PCSK6: variants seen among roughly 807,000 people sequenced by gnomAD.
PCSK6 encodes paired basic amino acid cleaving enzyme 4.
In PCSK6, 85 loss-of-function variants were observed where a neutral mutation model predicts 123.3. The ratio of observed to expected loss-of-function variants is 0.69; its 90% confidence interval spans 0.58 to 0.83. PCSK6 has a LOEUF of 0.83. Among genes scored for constraint, PCSK6 ranks in the 40% least tolerant of loss-of-function variants. PCSK6 has a pLI of 0.00. For missense variants in PCSK6, 1,191 were observed against 1,282.3 expected, an observed-to-expected ratio of 0.93 and a Z score of 1.09; for synonymous variants, 508 against 516.0, an observed-to-expected ratio of 0.98 and a Z score of 0.21.
chr15:101,407,817 T>C (rs2042823867), intron 6 of PCSK6, among the ~76,000 whole-genome samples: 2 of 152,228 alleles, frequency 1.3e-5, no homozygotes, highest in African/African-American at 4.8e-5. Flanking sequence ...AACCACCTTT[T>C]CAATGCATGG....
At chr15:101,354,407 G>C (rs2040982741) in intron 13 of PCSK6, among the ~76,000 whole-genome samples, 1 of 152,182 alleles carries the variant, frequency 6.6e-6, no homozygotes, top group Non-Finnish European at 1.5e-5. Context: ...ACTGTCTAGA[G>C]CACCTTCAGT....
intron 13 of PCSK6, among the ~76,000 whole-genome samples, chr15:101,355,816 C>A (rs910378347): frequency 2.0e-5 from 3 of 152,208 alleles, no homozygotes; most frequent in Non-Finnish European, 2.9e-5. Flanking sequence ...GGGAGGCTGG[C>A]CTGACCTTGG....
chr15:101,348,789 G>A (rs1361496613), intron 13 of PCSK6, among the ~76,000 whole-genome samples: 3 of 152,144 alleles, frequency 2.0e-5, no homozygotes, highest in East Asian at 1.9e-4. Flanking sequence ...GAAGCGGCCA[G>A]CTGAACTCAG....
At position 101,430,081 on chromosome 15, in the gene PCSK6, G is replaced by A. The variant is rs775586359; in HGVS notation, c.658-18C>T. 3.4e-5 allele frequency: 55 copies of A among 1,607,422 alleles called. 1 individual carries two copies. The South Asian group carries it at 6.1e-4, about 18-fold the overall frequency. ...TAGGAATCCTAAGAAATGGAATCGT[G>A]GTGAGTGAGGAGAAATGGCATGTGA... is the stretch of plus-strand genomic sequence containing the variant. On this transcript the variant is annotated intron_variant, in intron 4 of 21. Coordinates refer to ENST00000611716, the MANE Select transcript of PCSK6 (RefSeq NM_002570.5).
intron 7 of PCSK6, among the ~76,000 whole-genome samples, chr15:101,397,855 G>A (rs1387433604): frequency 6.6e-6 from 1 of 152,260 alleles, no homozygotes; most frequent in Admixed American, 6.5e-5. Flanking sequence ...CGGCAGAGAA[G>A]CATCTTTGCC....
intron 13 of PCSK6, chr15:101,334,459 G>C (rs1317897652): frequency 2.6e-5 from 4 of 151,536 alleles, no homozygotes; most frequent in Non-Finnish European, 5.9e-5. Context: ...TCTCACCGCT[G>C]CAGCAGTGAC....
rs377393841 is a variant in PCSK6, at chr15:101,326,402, T to A, written c.2155A>T (p.Ser719Cys). ...CTGCTGGTCTTGACACTCCCCAGGC[T>A]GAAGTGGACGCAGTTCAAGCACTGG... is the stretch of plus-strand genomic sequence containing the variant. ...ADQCLNCVHF[S>C]LGSVKTSRKC... The change falls in exon 16 of 22, where the codon AGC becomes TGC. Residue 719 changes from serine to cysteine, a missense_variant. This residue lies in a region of PCSK6 where 630 missense variants were observed against 631.4 expected (regional missense o/e 1.00). Transcript: ENST00000611716. 7 of 1,579,636 alleles carry A rather than the reference T, an allele frequency of 4.4e-6. No individual in the cohort carries two copies. In the African/African-American group the frequency reaches 9.5e-5, roughly 21 times the overall value.
chr15:101,428,294 C>T (rs1412845232), intron 5 of PCSK6, among the ~76,000 whole-genome samples: 1 of 152,246 alleles, frequency 6.6e-6, no homozygotes, highest in Non-Finnish European at 1.5e-5. Context: ...ATACCTTCCT[C>T]CTCCCAGCAC....
At chr15:101,361,663 A>G (rs150447601) in intron 13 of PCSK6, among the ~76,000 whole-genome samples, 2 of 152,178 alleles carry the variant, frequency 1.3e-5, no homozygotes, top group South Asian at 4.1e-4. Context: ...AGGTCAGGCT[A>G]AGAGATTTGG....
At chr15:101,310,767 C>T (rs2039838755) in intron 20 of PCSK6, among the ~76,000 whole-genome samples, 1 of 152,140 alleles carries the variant, frequency 6.6e-6, no homozygotes, top group African/African-American at 2.4e-5. Context: ...GAATAGGTTA[C>T]AACCCACAGT....
Position 101,416,774 on chromosome 15 carries a change from A to G in PCSK6, c.823+11118T>C, listed in dbSNP as rs185371011. 7.0e-3 allele frequency among the ~76,000 whole-genome samples: 1,059 copies of G among 152,358 alleles called. 6 individuals carry two copies. The highest frequency in any genetic ancestry group is 0.026 in the South Asian group (125 of 4,830). The stretch of plus-strand genomic sequence containing the variant: ...GTGGCTTCAGAGGGTGGGAGCCCCA[A>G]GCTTTGGCAACTTCCACTTGTGTGT... On this transcript the variant is annotated intron_variant, in intron 6 of 21. Transcript: ENST00000611716.
chr15:101,364,869 C>G (rs751354503), intron 13 of PCSK6: 1 of 591,584 alleles, frequency 1.7e-6, no homozygotes, highest in Non-Finnish European at 3.2e-6. Context: ...GAAAGAACCA[C>G]CAAGTTGGAG....
chr15:101,331,114 G>A (rs749116145), intron 15 of PCSK6, among the ~76,000 whole-genome samples: 2 of 152,204 alleles, frequency 1.3e-5, no homozygotes, highest in Non-Finnish European at 2.9e-5. Context: ...TCTAACAAAC[G>A]AATAAAAGCC....
At chr15:101,389,631 T>C in intron 8 of PCSK6, 67 bp from the exon 9 acceptor site, 1 of 1,301,448 alleles carries the variant, frequency 7.7e-7, no homozygotes, top group Non-Finnish European at 1.1e-6. Flanking sequence ...TGGAGAAGGC[T>C]GGGCTACTTC....
chr15:101,365,691 G>T (rs1042609286), intron 13 of PCSK6: 2 of 153,122 alleles, frequency 1.3e-5, no homozygotes, highest in African/African-American at 4.8e-5. Flanking sequence ...TAAACAAAAT[G>T]TGATCAATCC....
At chr15:101,464,259 A>G (rs1474576276) in intron 1 of PCSK6, among the ~76,000 whole-genome samples, 3 of 152,122 alleles carry the variant, frequency 2.0e-5, no homozygotes, top group African/African-American at 7.2e-5. Context: ...AAGGCACAGG[A>G]ACTGCGTCAG....
intron 1 of PCSK6, among the ~76,000 whole-genome samples, chr15:101,458,493 T>C (rs2057251098): frequency 6.6e-6 from 1 of 152,154 alleles, no homozygotes; most frequent in Non-Finnish European, 1.5e-5. Context: ...AGGAGGGCCC[T>C]TGGTACAGAC....
At chr15:101,319,366 A>T (rs2040064529) in intron 18 of PCSK6, among the ~76,000 whole-genome samples, 1 of 152,096 alleles carries the variant, frequency 6.6e-6, no homozygotes, top group Non-Finnish European at 1.5e-5. Context: ...CTGCTATGAC[A>T]CTGGGATTTA....
At chr15:101,362,360 G>T (rs1017138161) in intron 13 of PCSK6, among the ~76,000 whole-genome samples, 8 of 152,248 alleles carry the variant, frequency 5.3e-5, no homozygotes, top group Non-Finnish European at 1.0e-4. Context: ...GAAGCAGGAG[G>T]CTGCTGCAGA....
Sources: gnomAD v4.1 joint callset for allele counts (sites outside exome capture counted in the v4.1 genomes callset) on GRCh38, gnomAD v4.1.1 for gene constraint, gnomAD v4.1.1 regional missense constraint, MANE v1.5 for transcripts, NCBI Gene and HGNC (gene_info 2026-07-23, HGNC 2026-07-21) for gene names.